Variants in TASP1 observed in about 807,000 individuals in gnomAD.
TASP1 encodes the protein threonine aspartase 1.
In TASP1, 16 loss-of-function variants were observed where a neutral mutation model predicts 56.6. The observed-to-expected ratio is 0.28, with a 90% confidence interval of 0.19 to 0.43. TASP1 has a LOEUF of 0.43. Ranked by LOEUF, TASP1 falls within the 20% of genes least tolerant of loss-of-function variation. The pLI, the probability that TASP1 is intolerant of heterozygous loss-of-function variation, is 1.00. For synonymous variants in TASP1, 179 were observed against 184.2 expected (o/e 0.97, Z 0.23); for missense variants, 393 against 511.6 (o/e 0.77, Z 2.24).
At chr20:13,514,891 A>G (rs1163795278) in intron 10 of TASP1, among the ~76,000 whole-genome samples, 1 of 152,186 alleles carries the variant, frequency 6.6e-6, no homozygotes, top group Admixed American at 6.5e-5. Flanking sequence ...GAACCATGAC[A>G]TACATTCAAT....
At chr20:13,110,192 C>A in the TASP1 span, 30 of 1,613,618 alleles carry the variant, frequency 1.9e-5, no homozygotes, top group South Asian at 3.3e-4. Context: ...GAAAAAGATT[C>A]TCATCCTGGT....
At chr20:13,159,625 A>C in the TASP1 span, among the ~76,000 whole-genome samples, 5,766 of 152,290 alleles carry the variant, frequency 0.038, 159 homozygotes, top group African/African-American at 0.079. Flanking sequence ...ATTGCATTAT[A>C]GGAACTATTT....
intron 8 of TASP1, among the ~76,000 whole-genome samples, chr20:13,550,894 A>G (rs1015511125): frequency 6.6e-6 from 1 of 152,124 alleles, no homozygotes; most frequent in Non-Finnish European, 1.5e-5. Flanking sequence ...TTTTTTGTGC[A>G]TTTATTTTCT....
At chr20:13,121,434 A>G in the TASP1 span, among the ~76,000 whole-genome samples, 1 of 152,146 alleles carries the variant, frequency 6.6e-6, no homozygotes, top group Non-Finnish European at 1.5e-5. Flanking sequence ...TCAGGGAGTG[A>G]GCTCTAAGAT....
the TASP1 span, among the ~76,000 whole-genome samples, chr20:13,191,766 G>A: frequency 2.0e-5 from 3 of 152,284 alleles, no homozygotes; most frequent in South Asian, 6.2e-4. Flanking sequence ...ACAAAGAAAT[G>A]ATAAATGTTT....
chr20:13,600,240 T>C (rs2047904290), intron 4 of TASP1, among the ~76,000 whole-genome samples: 1 of 152,220 alleles, frequency 6.6e-6, no homozygotes, highest in Non-Finnish European at 1.5e-5. Context: ...GCAGTCTTTC[T>C]CTTCTTGTAA....
chr20:13,417,684 T>C (rs2042303362), intron 12 of TASP1, among the ~76,000 whole-genome samples, 163 bp from the exon 13 acceptor site: 1 of 152,252 alleles, frequency 6.6e-6, no homozygotes, highest in Non-Finnish European at 1.5e-5. Context: ...TCACTAAAAC[T>C]GTGTAATGCC....
chr20:13,563,047 CAT>C (rs1290058860), intron 7 of TASP1, among the ~76,000 whole-genome samples: 1 of 140,334 alleles, frequency 7.1e-6, no homozygotes, highest in Admixed American at 7.1e-5. Context: ...CACGTATACA[CAT>C]ACACAACACA....
the TASP1 span, among the ~76,000 whole-genome samples, chr20:13,180,816 C>T: frequency 6.6e-6 from 1 of 152,172 alleles, no homozygotes; most frequent in African/African-American, 2.4e-5. Flanking sequence ...AAGATAAAAG[C>T]CACTTCTGTC....
At chr20:13,152,396 T>C in the TASP1 span, among the ~76,000 whole-genome samples, 19 of 152,198 alleles carry the variant, frequency 1.2e-4, no homozygotes, top group African/African-American at 3.4e-4. Context: ...CACATTTGGT[T>C]ATAAGAGGCA....
At chr20:13,203,215 T>C in the TASP1 span, among the ~76,000 whole-genome samples, 1 of 152,254 alleles carries the variant, frequency 6.6e-6, no homozygotes, top group African/African-American at 2.4e-5. Context: ...CTAGATTCTT[T>C]AATAAGTGAA....
At chr20:13,518,811 G>A (rs952093763) in intron 10 of TASP1, among the ~76,000 whole-genome samples, 1 of 152,014 alleles carries the variant, frequency 6.6e-6, no homozygotes, top group African/African-American at 2.4e-5. Flanking sequence ...ATTTGACCCA[G>A]CAATCCCATT....
intron 4 of TASP1, among the ~76,000 whole-genome samples, chr20:13,600,277 T>G (rs2047906239): frequency 6.6e-6 from 1 of 152,200 alleles, no homozygotes; most frequent in Admixed American, 6.5e-5. Context: ...TTTAAAATAC[T>G]TATGTAAATG....
At chr20:13,526,810 G>T (rs1321050156) in intron 10 of TASP1, among the ~76,000 whole-genome samples, 1 of 152,132 alleles carries the variant, frequency 6.6e-6, no homozygotes, top group Non-Finnish European at 1.5e-5. Context: ...TCAAGTCTGA[G>T]CAAAGGATAG....
At chr20:13,208,870 T>C in the TASP1 span, among the ~76,000 whole-genome samples, 1 of 152,202 alleles carries the variant, frequency 6.6e-6, no homozygotes, top group Admixed American at 6.5e-5. Flanking sequence ...CATAGACTTG[T>C]GAGAAATAAT....
chr20:13,525,708 T>A (rs1046544024), intron 10 of TASP1, among the ~76,000 whole-genome samples: 5 of 152,144 alleles, frequency 3.3e-5, no homozygotes, highest in Non-Finnish European at 7.4e-5. Context: ...CCACCTTTCT[T>A]CTGACTTGAT....
At chr20:13,198,156 T>A in the TASP1 span, among the ~76,000 whole-genome samples, 1 of 152,234 alleles carries the variant, frequency 6.6e-6, no homozygotes, top group Non-Finnish European at 1.5e-5. Context: ...AGATTTTTTT[T>A]ATTGTGATAA....
chr20:13,583,189 G>A (rs955611013), intron 5 of TASP1, among the ~76,000 whole-genome samples: 2 of 152,180 alleles, frequency 1.3e-5, no homozygotes, highest in African/African-American at 4.8e-5. Flanking sequence ...GTGAGCCAAA[G>A]CCCAATCTTT....
At chr20:13,227,272 T>G in the TASP1 span, among the ~76,000 whole-genome samples, 1 of 152,122 alleles carries the variant, frequency 6.6e-6, no homozygotes. Context: ...GGCGCTATCT[T>G]GGCTCACTGC....
Sources: allele counts gnomAD v4.1 joint callset (sites outside exome capture counted in the v4.1 genomes callset), GRCh38; gene constraint gnomAD v4.1.1; transcripts MANE v1.5; gene names NCBI Gene and HGNC (gene_info 2026-07-23, HGNC 2026-07-21).